NFASC: variants seen among roughly 807,000 people sequenced by gnomAD.
NFASC encodes neurofascin, also known as neurofascin homolog.
Under a neutral mutation model 147.5 loss-of-function variants are expected in NFASC, and 43 were observed. The observed-to-expected ratio is 0.29, with a 90% confidence interval of 0.23 to 0.38. The LOEUF (loss-of-function observed/expected upper bound fraction) is 0.38, where lower values mean the gene tolerates loss of function less well. NFASC is among the 10% of genes least tolerant of loss of function. NFASC has a pLI of 1.00. For synonymous variants in NFASC, 622 were observed against 665.5 expected (o/e 0.93, Z 1.01); for missense variants, 1,320 against 1,689.0 (o/e 0.78, Z 3.83).
At chr1:204,850,291 C>A (rs764736787) in intron 1 of NFASC, among the ~76,000 whole-genome samples, 6 of 152,208 alleles carry the variant, frequency 3.9e-5, no homozygotes, top group Non-Finnish European at 7.3e-5. Flanking sequence ...AATTTTTAAT[C>A]ATTTATTTAG....
intron 1 of NFASC, among the ~76,000 whole-genome samples, chr1:204,852,867 T>A (rs2075819892): frequency 6.6e-6 from 1 of 152,182 alleles, no homozygotes; most frequent in Non-Finnish European, 1.5e-5. Context: ...CATGAGAATT[T>A]TAAGTACATG....
At chr1:204,885,358 A>T (rs2148944958) in intron 1 of NFASC, among the ~76,000 whole-genome samples, 1 of 151,470 alleles carries the variant, frequency 6.6e-6, no homozygotes, top group Non-Finnish European at 1.5e-5. Flanking sequence ...GGGGAATAGA[A>T]CCCTTCACCT....
At chr1:204,977,796 G>A in intron 17 of NFASC, 71 bp downstream of exon 17, 1 of 1,452,300 alleles carries the variant, frequency 6.9e-7, no homozygotes, top group Non-Finnish European at 9.5e-7. Context: ...TCTGGGAGAA[G>A]GAAGCCACTT....
intron 27 of NFASC, among the ~76,000 whole-genome samples, chr1:205,008,213 G>A (rs2096174218): frequency 6.6e-6 from 1 of 152,136 alleles, no homozygotes; most frequent in Admixed American, 6.5e-5. Context: ...CCCTTGACTG[G>A]GCACTGGGAA....
intron 1 of NFASC, among the ~76,000 whole-genome samples, chr1:204,834,822 C>T (rs888612304): frequency 1.3e-5 from 2 of 152,136 alleles, no homozygotes; most frequent in African/African-American, 4.8e-5. Flanking sequence ...GTTCTTGGCA[C>T]CCAGAGTTGG....
intron 8 of NFASC, among the ~76,000 whole-genome samples, chr1:204,958,222 G>T (rs1321668968): frequency 6.6e-6 from 1 of 151,982 alleles, no homozygotes. Context: ...ACCCCTCTCC[G>T]GACACAGCTT....
At chr1:204,920,793 G>C in intron 2 of NFASC, 53 bp downstream of exon 2, 17 of 821,784 alleles carry the variant, frequency 2.1e-5, no homozygotes, top group Non-Finnish European at 2.8e-5. Context: ...GAGAATGAGG[G>C]GACATTCTCG....
At chr1:204,885,934 A>T (rs2081231818) in intron 1 of NFASC, among the ~76,000 whole-genome samples, 1 of 152,050 alleles carries the variant, frequency 6.6e-6, no homozygotes, top group Non-Finnish European at 1.5e-5. Flanking sequence ...CCAGATGGGC[A>T]CTCTGTGATG....
At position 204,987,534 on chromosome 1, in the gene NFASC, G is replaced by A. The variant is rs755952916; in HGVS notation, c.2587G>A (p.Val863Met). 1.1e-5 allele frequency: 17 copies of A among 1,614,132 alleles called. No homozygotes were observed. The highest frequency in any genetic ancestry group is 1.6e-4 in the Middle Eastern group (1 of 6,062). Residue 863 changes from valine to methionine, a missense_variant, in exon 22 of 30, where the codon GTG becomes ATG. Val to Met is a conservative substitution (Grantham distance 21). This residue lies in a region of NFASC where 981 missense variants were observed against 1,289.5 expected (regional missense o/e 0.76). Transcript: ENST00000339876. The surrounding 1 kb of genome is among the most constrained non-coding windows in gnomAD (Gnocchi z 4.4). ...GIMIGYTLKY[V>M]AFNGTKVGKQ... ...CATGATTGGATACACTCTCAAATAT[G>A]TGGCCTGTACGTTCTGCCCTTCCCT...
chr1:204,929,638 A>T lies in NFASC; in HGVS notation c.-91+8898A>T, dbSNP rs182222175. 345 of 152,398 alleles carry T rather than the reference A, an allele frequency of 2.3e-3. 1 individual carries two copies. Among genetic ancestry groups the T allele is most frequent in the Middle Eastern group, 0.014 (4 of 296 alleles). 9.4% of individuals were successfully genotyped at this position (152,398 alleles called of 1,614,324 possible). On this transcript the variant is annotated intron_variant, in intron 2 of 29. Coordinates refer to ENST00000339876, the MANE Select transcript of NFASC (RefSeq NM_001005388.3). ...AGTTGCTGAGACATGGGGTCATTTC[A>T]TCCAGGGTAAAGAAGAGATATGGTG...
At chr1:204,880,418 C>A (rs1415094574) in intron 1 of NFASC, among the ~76,000 whole-genome samples, 1 of 152,074 alleles carries the variant, frequency 6.6e-6, no homozygotes, top group Non-Finnish European at 1.5e-5. Flanking sequence ...TGCAGTGGGG[C>A]GATCTCAGCT....
Position 204,987,178 on chromosome 1 carries a change from T to C in NFASC, c.2471-240T>C, listed in dbSNP as rs920297305. 3 of 545,718 alleles carry C rather than the reference T, an allele frequency of 5.5e-6. No individual in the cohort carries two copies. In the East Asian group the frequency reaches 8.9e-5, roughly 16 times the overall value. The allele number at this position is 545,718 out of a possible 1,614,324, so 33.8% of individuals were successfully genotyped here. A position where few individuals can be genotyped will look rare whatever the true frequency, so the allele number is the denominator to read the frequency against. ...CTAGAAGAAAACCTGATTTACTTCT[T>C]CCTCTCTTAAATAGCAGAGTCTGAG... On this transcript the variant is annotated intron_variant, in intron 21 of 29. Transcript: ENST00000339876. The surrounding 1 kb of genome is among the most constrained non-coding windows in gnomAD (Gnocchi z 4.4).
chr1:204,946,775 G>A (rs985838172), intron 3 of NFASC: 14 of 516,928 alleles, frequency 2.7e-5, no homozygotes, highest in Non-Finnish European at 5.4e-5. Flanking sequence ...AACCCTTCCC[G>A]AGGCCCCCAC....
chr1:204,947,191 C>A, intron 3 of NFASC: 1 of 202,604 alleles, frequency 4.9e-6, no homozygotes, highest in South Asian at 8.1e-5. Flanking sequence ...CTGTTTATTC[C>A]TCAAAAACAA....
intron 1 of NFASC, among the ~76,000 whole-genome samples, chr1:204,911,593 T>G (rs1179924005): frequency 6.6e-6 from 1 of 152,190 alleles, no homozygotes; most frequent in Non-Finnish European, 1.5e-5. Flanking sequence ...TTTCATCTTC[T>G]TTTTAAATGT....
intron 1 of NFASC, among the ~76,000 whole-genome samples, chr1:204,862,454 A>G (rs1262900881): frequency 1.3e-5 from 2 of 152,278 alleles, no homozygotes; most frequent in Non-Finnish European, 2.9e-5. Context: ...TTCATTTAAA[A>G]GATCAGCTGG....
intron 1 of NFASC, among the ~76,000 whole-genome samples, chr1:204,859,465 C>A (rs375706934): frequency 6.6e-6 from 1 of 152,216 alleles, no homozygotes; most frequent in African/African-American, 2.4e-5. Flanking sequence ...AGTCTGTGTA[C>A]CTCACTATAC....
intron 10 of NFASC, 60 bp downstream of exon 10, chr1:204,969,042 C>T: frequency 2.0e-6 from 3 of 1,499,558 alleles, no homozygotes; most frequent in Non-Finnish European, 2.7e-6. Context: ...CATGCCCACC[C>T]TTCCCTCTGA....
At chr1:204,920,920 A>G (rs1165896817) in intron 2 of NFASC, among the ~76,000 whole-genome samples, 180 bp downstream of exon 2, 3 of 152,200 alleles carry the variant, frequency 2.0e-5, no homozygotes, top group Admixed American at 6.5e-5. Context: ...ACAGAACTGC[A>G]TGCCAAAGTT....
Sources: gnomAD v4.1 joint callset for allele counts (sites outside exome capture counted in the v4.1 genomes callset) on GRCh38, gnomAD v4.1.1 for gene constraint, gnomAD v4.1.1 regional missense constraint, Gnocchi (gnomAD v3.1) non-coding constraint, MANE v1.5 for transcripts, NCBI Gene and HGNC (gene_info 2026-07-23, HGNC 2026-07-21) for gene names.